The following PCED1B variants were observed in gnomAD, a reference collection of about 807,000 sequenced individuals.
PCED1B encodes PC-esterase domain containing 1B.
For synonymous variants in PCED1B, 251 were observed against 246.1 expected, an observed-to-expected ratio of 1.02 and a Z score of -0.19; for missense variants, 573 against 573.9, an observed-to-expected ratio of 1.00 and a Z score of 0.02.
intron 2 of PCED1B, among the ~76,000 whole-genome samples, chr12:47,177,501 G>A (rs186871458): frequency 6.0e-4 from 91 of 152,198 alleles, no homozygotes; most frequent in Middle Eastern, 3.4e-3. Context: ...CTTCTGCTTC[G>A]TGACTGATTA....
chr12:47,108,789 G>T (rs1039284082), intron 2 of PCED1B, among the ~76,000 whole-genome samples: 4 of 152,116 alleles, frequency 2.6e-5, no homozygotes, highest in Non-Finnish European at 5.9e-5. Context: ...TAATGGCTAG[G>T]CATGGCAGCT....
intron 1 of PCED1B, among the ~76,000 whole-genome samples, chr12:47,085,673 T>C (rs944289409): frequency 3.3e-5 from 5 of 152,208 alleles, no homozygotes; most frequent in Non-Finnish European, 7.3e-5. Context: ...GTTAATTATA[T>C]GGTATGCATA....
chr12:47,188,222 G>T (rs2137642048), intron 2 of PCED1B, among the ~76,000 whole-genome samples: 1 of 152,112 alleles, frequency 6.6e-6, no homozygotes, highest in Admixed American at 6.5e-5. Flanking sequence ...ACACCATTGG[G>T]GTCTCTTAAA....
chr12:47,154,100 T>A (rs1351577401), intron 2 of PCED1B, among the ~76,000 whole-genome samples: 1 of 152,336 alleles, frequency 6.6e-6, no homozygotes, highest in East Asian at 1.9e-4. Flanking sequence ...AGGCGCTGAC[T>A]GCCCTTTGTT....
At chr12:47,111,937 C>T (rs1474389962) in intron 2 of PCED1B, among the ~76,000 whole-genome samples, 1 of 152,132 alleles carries the variant, frequency 6.6e-6, no homozygotes, top group East Asian at 1.9e-4. Context: ...GTTCTCTGAT[C>T]GCTCAAAGGC....
At chr12:47,189,926 A>G (rs1942391018) in intron 2 of PCED1B, among the ~76,000 whole-genome samples, 2 of 152,160 alleles carry the variant, frequency 1.3e-5, no homozygotes, top group South Asian at 4.1e-4. Context: ...TCCACAGAAG[A>G]GCTGCCTCTT....
chr12:47,228,707 T>TA (rs539550493), intron 3 of PCED1B, among the ~76,000 whole-genome samples: 10 of 151,700 alleles, frequency 6.6e-5, no homozygotes, highest in Non-Finnish European at 1.0e-4. Context: ...CCGTCTCTAC[T>TA]AAAAAAACTA....
intron 2 of PCED1B, among the ~76,000 whole-genome samples, chr12:47,185,766 G>A (rs1471563181): frequency 6.7e-6 from 1 of 149,034 alleles, no homozygotes; most frequent in Non-Finnish European, 1.5e-5. Context: ...CTCCAGCTTG[G>A]GCAACAGCAG....
chr12:47,170,537 G>A (rs1016512739), intron 2 of PCED1B, among the ~76,000 whole-genome samples: 3 of 151,896 alleles, frequency 2.0e-5, no homozygotes, highest in Admixed American at 6.6e-5. Context: ...CCTCCCTCCC[G>A]GATATTACTC....
At chr12:47,168,844 T>C (rs1941627218) in intron 2 of PCED1B, among the ~76,000 whole-genome samples, 2 of 152,198 alleles carry the variant, frequency 1.3e-5, no homozygotes. Flanking sequence ...TTTTCTTATT[T>C]CTGAGTTTTA....
At chr12:47,082,070 AAGAT>A (rs1355404061) in intron 1 of PCED1B, among the ~76,000 whole-genome samples, 1 of 152,220 alleles carries the variant, frequency 6.6e-6, no homozygotes, top group Non-Finnish European at 1.5e-5. Context: ...GGAGGAAAGA[AAGAT>A]AAGAGTTGAT....
intron 1 of PCED1B, among the ~76,000 whole-genome samples, chr12:47,100,080 C>A (rs941080333): frequency 3.9e-5 from 6 of 152,208 alleles, no homozygotes; most frequent in African/African-American, 1.4e-4. Context: ...AATAGAAATT[C>A]TTGAATCTAG....
At chr12:47,151,569 A>G (rs1175066935) in intron 2 of PCED1B, among the ~76,000 whole-genome samples, 1 of 152,238 alleles carries the variant, frequency 6.6e-6, no homozygotes, top group South Asian at 2.1e-4. Flanking sequence ...TATGGAGGCC[A>G]GGAAGTTCCA....
At chr12:47,183,255 G>A (rs1030831353) in intron 2 of PCED1B, among the ~76,000 whole-genome samples, 12 of 152,132 alleles carry the variant, frequency 7.9e-5, no homozygotes, top group African/African-American at 2.7e-4. Flanking sequence ...TAGGTAAAGA[G>A]GTGGGCAGAA....
chr12:47,103,861 T>C (rs981027960), intron 1 of PCED1B, among the ~76,000 whole-genome samples: 7 of 152,224 alleles, frequency 4.6e-5, no homozygotes, highest in African/African-American at 1.7e-4. Flanking sequence ...GGAAACATAA[T>C]TTTTAGCACG....
chr12:47,192,463 A>G (rs1942475020), intron 2 of PCED1B, among the ~76,000 whole-genome samples: 1 of 152,220 alleles, frequency 6.6e-6, no homozygotes, highest in African/African-American at 2.4e-5. Context: ...AGCTCATTCA[A>G]ATGGTAAATG....
intron 2 of PCED1B, chr12:47,135,587 A>G: frequency 4.0e-6 from 2 of 503,458 alleles, no homozygotes; most frequent in Non-Finnish European, 8.1e-6. Flanking sequence ...TTGGCAGTGG[A>G]GACACAGGCC....
intron 2 of PCED1B, among the ~76,000 whole-genome samples, chr12:47,140,595 A>G (rs1016777689): frequency 6.6e-6 from 1 of 152,174 alleles, no homozygotes; most frequent in Non-Finnish European, 1.5e-5. Context: ...CCACATAGAA[A>G]ACACAACCAA....
chr12:47,142,268 AC>A (rs1263419148), intron 2 of PCED1B, among the ~76,000 whole-genome samples: 1 of 151,964 alleles, frequency 6.6e-6, no homozygotes, highest in Non-Finnish European at 1.5e-5. Context: ...CCCAACTCCA[AC>A]CCCACTCAAC....
Sources: gnomAD v4.1 joint callset for allele counts (sites outside exome capture counted in the v4.1 genomes callset) on GRCh38, gnomAD v4.1.1 for gene constraint, MANE v1.5 for transcripts, NCBI Gene and HGNC (gene_info 2026-07-23, HGNC 2026-07-21) for gene names.